YAP1: variants seen among roughly 807,000 people sequenced by gnomAD.
YAP1 encodes the protein Yes1 associated transcriptional regulator, also known as transcriptional coactivator YAP1.
In YAP1, 5 loss-of-function variants were observed where a neutral mutation model predicts 56.9. The ratio of observed to expected loss-of-function variants is 0.09; its 90% CI spans 0.05 to 0.18. The LOEUF is 0.18. YAP1 is among the 10% of genes least tolerant of loss of function. The pLI is 1.00. For synonymous variants in YAP1, 265 were observed against 248.1 expected, an observed-to-expected ratio of 1.07 and a Z score of -0.64; for missense variants, 539 against 651.8, an observed-to-expected ratio of 0.83 and a Z score of 1.88.
At chr11:102,149,906 T>G (rs545896910) in intron 2 of YAP1, among the ~76,000 whole-genome samples, 1 of 150,062 alleles carries the variant, frequency 6.7e-6, no homozygotes, top group Non-Finnish European at 1.5e-5. Flanking sequence ...TATGAAGAAA[T>G]ATAGATTACT....
chr11:102,115,460 G>T (rs1943220587), intron 2 of YAP1, among the ~76,000 whole-genome samples: 2 of 152,100 alleles, frequency 1.3e-5, no homozygotes, highest in African/African-American at 4.8e-5. Flanking sequence ...TTGTCTTCCA[G>T]GGTGGGTTGC....
chr11:102,155,108 C>T (rs1403486896), intron 2 of YAP1, among the ~76,000 whole-genome samples: 2 of 152,174 alleles, frequency 1.3e-5, no homozygotes, highest in Non-Finnish European at 2.9e-5. Flanking sequence ...GGTAACCTAA[C>T]TCCCAACTTA....
chr11:102,120,279 A>G (rs1943570223), intron 2 of YAP1, among the ~76,000 whole-genome samples: 1 of 152,236 alleles, frequency 6.6e-6, no homozygotes, highest in Non-Finnish European at 1.5e-5. Context: ...AAATCACAGC[A>G]GTCCTCCCCA....
intron 2 of YAP1, among the ~76,000 whole-genome samples, chr11:102,124,913 T>G (rs375768479): frequency 1.1e-4 from 16 of 152,196 alleles, no homozygotes; most frequent in African/African-American, 3.9e-4. Context: ...AGTATTTGTG[T>G]TTTTGGTAGA....
intron 6 of YAP1, among the ~76,000 whole-genome samples, chr11:102,210,871 G>T (rs1949372799): frequency 6.6e-6 from 1 of 152,108 alleles, no homozygotes; most frequent in Non-Finnish European, 1.5e-5. Context: ...TCCTGCCTCA[G>T]CCTCCCAAGT....
At chr11:102,206,834 T>A (rs528533448) in intron 5 of YAP1, among the ~76,000 whole-genome samples, 10 of 152,296 alleles carry the variant, frequency 6.6e-5, no homozygotes, top group Admixed American at 2.0e-4. Context: ...AGAGTGAGAT[T>A]CTGTCTCAAA....
At chr11:102,138,128 G>T (rs1247931672) in intron 2 of YAP1, among the ~76,000 whole-genome samples, 1 of 152,178 alleles carries the variant, frequency 6.6e-6, no homozygotes, top group Non-Finnish European at 1.5e-5. Flanking sequence ...CCTGTGATCC[G>T]CCTGCCTTGG....
chr11:102,160,862 C>A (rs909873804), intron 2 of YAP1, among the ~76,000 whole-genome samples: 1 of 152,152 alleles, frequency 6.6e-6, no homozygotes, highest in African/African-American at 2.4e-5. Context: ...CTTTGCACAT[C>A]TTCAGCTACT....
intron 2 of YAP1, among the ~76,000 whole-genome samples, chr11:102,153,172 TTCCAATTCC>T (rs1945761092): frequency 2.6e-5 from 4 of 152,220 alleles, no homozygotes; most frequent in Admixed American, 1.3e-4. Flanking sequence ...GACTGAGGTG[TTCCAATTCC>T]AGTTAGGCCT....
At chr11:102,207,091 T>C (rs915917381) in intron 5 of YAP1, among the ~76,000 whole-genome samples, 4 of 152,286 alleles carry the variant, frequency 2.6e-5, no homozygotes, top group Non-Finnish European at 5.9e-5. Context: ...AGTTCAGATA[T>C]TGGAGATAAG....
intron 3 of YAP1, among the ~76,000 whole-genome samples, chr11:102,165,153 G>A (rs1359501504): frequency 6.6e-6 from 1 of 151,618 alleles, no homozygotes; most frequent in Admixed American, 6.6e-5. Context: ...GAGCCCAGGA[G>A]TTTGAGACCC....
intron 2 of YAP1, among the ~76,000 whole-genome samples, chr11:102,159,322 T>G (rs1189538788): frequency 6.6e-6 from 1 of 152,212 alleles, no homozygotes; most frequent in Non-Finnish European, 1.5e-5. Flanking sequence ...CGTTCACATG[T>G]CCAGGCTTCT....
rs185309689 is a variant in YAP1 at position 102,148,751 on chromosome 11, G to A, written c.573-13705G>A. ...GGTCATTATATCAATCTACTTTTAA[G>A]AACATATACAAATTATGCTTTTTAT... On this transcript the variant is annotated intron_variant, in intron 2 of 8. Transcript: ENST00000282441. Among the ~76,000 whole-genome samples, 16 of 152,152 alleles carry A rather than the reference G, an allele frequency of 1.1e-4. No individual in the cohort carries two copies. In the East Asian group the frequency reaches 3.1e-3, roughly 29 times the overall value.
At chr11:102,129,204 A>G (rs913415801) in intron 2 of YAP1, among the ~76,000 whole-genome samples, 1 of 152,198 alleles carries the variant, frequency 6.6e-6, no homozygotes, top group African/African-American at 2.4e-5. Context: ...GCCTGTGTTC[A>G]GTCCCTAATA....
At chr11:102,191,437 A>T (rs1454444324) in intron 4 of YAP1, among the ~76,000 whole-genome samples, 6 of 151,814 alleles carry the variant, frequency 4.0e-5, no homozygotes, top group African/African-American at 1.5e-4. Context: ...CAGGGAAATT[A>T]TACCCAAGGT....
intron 2 of YAP1, among the ~76,000 whole-genome samples, chr11:102,140,635 G>T (rs1382696911): frequency 2.0e-5 from 3 of 152,272 alleles, no homozygotes; most frequent in African/African-American, 7.2e-5. Flanking sequence ...ACGAGGTCAG[G>T]AGTTTGAGAC....
chr11:102,126,340 A>G (rs937666100), intron 2 of YAP1, among the ~76,000 whole-genome samples: 2 of 152,184 alleles, frequency 1.3e-5, no homozygotes, highest in Admixed American at 6.5e-5. Flanking sequence ...CTGAAATCTC[A>G]ATGTGAATTT....
chr11:102,226,904 C>G (rs1224134631), intron 7 of YAP1: 1 of 152,334 alleles, frequency 6.6e-6, no homozygotes, highest in Non-Finnish European at 1.5e-5. Context: ...TATTTTGGCT[C>G]AGTCCTAAAA....
At chr11:102,167,537 A>G (rs1017369852) in intron 3 of YAP1, among the ~76,000 whole-genome samples, 2 of 152,170 alleles carry the variant, frequency 1.3e-5, no homozygotes, top group African/African-American at 4.8e-5. Flanking sequence ...GATTGAGACC[A>G]CCCTGGCCAA....
Sources: gnomAD v4.1 joint callset for allele counts (sites outside exome capture counted in the v4.1 genomes callset) on GRCh38, gnomAD v4.1.1 for gene constraint, MANE v1.5 for transcripts, NCBI Gene and HGNC (gene_info 2026-07-23, HGNC 2026-07-21) for gene names.